BOP1: variants seen among roughly 807,000 people sequenced by gnomAD.
BOP1 encodes BOP1 ribosomal biogenesis factor, also known as ribosome biogenesis protein BOP1.
Under a neutral mutation model 82.9 loss-of-function variants are expected in BOP1, and 54 were observed. The observed-to-expected ratio is 0.65, with a 90% CI of 0.52 to 0.82. BOP1 has a LOEUF of 0.82. BOP1 is among the 40% of genes least tolerant of loss of function. The pLI is 0.00. For synonymous variants in BOP1, 566 were observed against 451.1 expected, an observed-to-expected ratio of 1.25 and a Z score of -3.23; for missense variants, 1,170 against 1,072.0, an observed-to-expected ratio of 1.09 and a Z score of -1.28.
intron 3 of BOP1, chr8:144,267,289 C>A (rs1845396592): frequency 2.3e-6 from 3 of 1,281,192 alleles, no homozygotes; most frequent in Non-Finnish European, 2.0e-6. Flanking sequence ...CAACAGGGCA[C>A]AGGCAGGCAC....
At chr8:144,268,503 T>A in intron 3 of BOP1, 2 of 371,124 alleles carry the variant, frequency 5.4e-6, no homozygotes, top group Non-Finnish European at 9.9e-6. Flanking sequence ...ACTGTCCTCA[T>A]GAAAGGTTCA....
intron 2 of BOP1, among the ~76,000 whole-genome samples, chr8:144,288,135 T>G (rs1554839650): frequency 1.3e-5 from 2 of 150,762 alleles, no homozygotes; most frequent in Non-Finnish European, 1.5e-5. Flanking sequence ...CCGAGCCTGG[T>G]AGTGGGCACC....
intron 3 of BOP1, among the ~76,000 whole-genome samples, chr8:144,270,762 C>T (rs1845479508): frequency 6.6e-6 from 1 of 152,154 alleles, no homozygotes; most frequent in Non-Finnish European, 1.5e-5. Flanking sequence ...GCCCCTGGCT[C>T]CCTTCCCAGA....
chr8:144,263,525 A>G lies in BOP1; in HGVS notation c.1377T>C (p.Ser459=). Residue 459 remains serine (S), a synonymous_variant, in exon 11 of 16, where the codon AGT becomes AGC. Coordinates refer to ENST00000569669, the MANE Select transcript of BOP1 (RefSeq NM_015201.5). Reference sequence around the variant, plus strand: ...CAGCGGGGCTGGGGTTCCAGGCCACACTCTTCACCACGCCCCCCACGGGAA... The same window carrying G: ...CAGCGGGGCTGGGGTTCCAGGCCACGCTCTTCACCACGCCCCCCACGGGAA... ...RTVPVGGVVK[S]VAWNPSPAVC... 3 of 1,598,802 alleles carry G rather than the reference A, an allele frequency of 1.9e-6. No homozygotes were observed. The highest frequency in any genetic ancestry group is 1.1e-5 in the South Asian group (1 of 91,006).
At chr8:144,270,905 G>T (rs1448213334) in intron 3 of BOP1, among the ~76,000 whole-genome samples, 1 of 152,146 alleles carries the variant, frequency 6.6e-6, no homozygotes, top group Non-Finnish European at 1.5e-5. Flanking sequence ...GGCTGGAAAC[G>T]CTCTGCTGGG....
intron 2 of BOP1, 122 bp from the exon 3 acceptor site, chr8:144,276,426 A>G: frequency 8.7e-7 from 1 of 1,146,168 alleles, no homozygotes. Flanking sequence ...CACAGGCCTC[A>G]GCACAAGGCC....
At chr8:144,285,609 A>G (rs1588608465) in intron 2 of BOP1, among the ~76,000 whole-genome samples, 1 of 152,218 alleles carries the variant, frequency 6.6e-6, no homozygotes, top group Admixed American at 6.5e-5. Context: ...AGGTGCGCCC[A>G]CTGCAGGGCA....
At chr8:144,285,837 G>A (rs949970688) in intron 2 of BOP1, among the ~76,000 whole-genome samples, 2 of 152,248 alleles carry the variant, frequency 1.3e-5, no homozygotes, top group Non-Finnish European at 2.9e-5. Context: ...CCCACGATGC[G>A]AGTGGGAGGT....
At chr8:144,271,677 C>T (rs942860613) in intron 3 of BOP1, among the ~76,000 whole-genome samples, 25 of 151,980 alleles carry the variant, frequency 1.6e-4, no homozygotes, top group African/African-American at 5.5e-4. Flanking sequence ...TGGGCCCTGG[C>T]GCCGGGGCCA....
At chr8:144,267,970 G>A (rs1456180792) in intron 3 of BOP1, 1 of 1,369,776 alleles carries the variant, frequency 7.3e-7, no homozygotes, top group Non-Finnish European at 1.0e-6. Flanking sequence ...AAACGCTTGA[G>A]GGAAGCTGGG....
chr8:144,266,686 G>A (rs1845375469), intron 3 of BOP1: 2 of 1,246,620 alleles, frequency 1.6e-6, no homozygotes, highest in Admixed American at 3.2e-5. Context: ...GCTGTCGGAG[G>A]ACGAGGACCG....
At position 144,263,373 on chromosome 8, in the gene BOP1, C is replaced by A. The variant is rs1269592251; in HGVS notation, c.1453G>T (p.Ala485Ser). The A allele has an allele frequency of 1.6e-5, 25 of 1,597,258 alleles. No individual in the cohort carries two copies. The highest frequency in any genetic ancestry group is 1.9e-5 in the Non-Finnish European group (22 of 1,179,628). ...VEDSVLLLNP[A>S]LGDRLVAGST... Reference sequence around the variant, plus strand: ...CCCGCCACCAGCCGGTCCCCCAGAGCTGGGTTCAGCAGCAGCACCGAGTCC... The same window carrying A: ...CCCGCCACCAGCCGGTCCCCCAGAGATGGGTTCAGCAGCAGCACCGAGTCC... Residue 485 changes from alanine to serine, a missense_variant, in exon 12 of 16, where the codon GCT becomes TCT. Coordinates refer to ENST00000569669, the MANE Select transcript of BOP1 (RefSeq NM_015201.5).
rs962908722 is a variant in BOP1, at chr8:144,263,480, G to A, written c.1422C>T (p.Ala474=). Residue 474 remains alanine, a splice_region_variant and synonymous_variant, in exon 11 of 16, where the codon GCC becomes GCT. Transcript: ENST00000569669. ...PSPAVCLVAA[A]VEDSVLLLNP... is the part of the protein sequence containing the mutation. ...CAGCCCCCAGGGCCTCCACTTACAC[G>A]GCTGCAGCCACCAGGCAGACAGCGG... 8.4e-4 allele frequency: 1,348 copies of A among 1,598,202 alleles called. 18 individuals carry two copies. In the East Asian group the frequency reaches 0.019, roughly 23 times the overall value.
chr8:144,281,035 T>C, intron 2 of BOP1, among the ~76,000 whole-genome samples: 1 of 147,880 alleles, frequency 6.8e-6, no homozygotes, highest in African/African-American at 2.5e-5. Flanking sequence ...CTCACTTTAA[T>C]ACCAGGTCTT....
Position 144,262,067 on chromosome 8 carries a change from G to A in BOP1, c.*97C>T. ...CGCTGTGGTGGGGGCGGCTTTGTTG[G>A]CAACCCCAATTCAAGAAGGTGGGAG... On this transcript the variant is annotated 3_prime_UTR_variant, in exon 16 of 16. Coordinates refer to ENST00000569669, the MANE Select transcript of BOP1 (RefSeq NM_015201.5). 6.4e-7 allele frequency: 1 copy of A among 1,567,748 alleles called. No homozygotes were observed. The highest frequency in any genetic ancestry group is 8.7e-7 in the Non-Finnish European group (1 of 1,150,658).
chr8:144,268,715 C>T (rs1378504884), intron 3 of BOP1, among the ~76,000 whole-genome samples: 1 of 152,032 alleles, frequency 6.6e-6, no homozygotes, highest in Admixed American at 6.5e-5. Flanking sequence ...GACAAGGGAG[C>T]CACGCCGGGA....
intron 3 of BOP1, among the ~76,000 whole-genome samples, chr8:144,267,707 G>C (rs929935529): frequency 6.6e-6 from 1 of 152,078 alleles, no homozygotes; most frequent in Non-Finnish European, 1.5e-5. Flanking sequence ...CATGGGACAC[G>C]AAGGCAGAGG....
chr8:144,278,641 C>T (rs1214278411), intron 2 of BOP1, among the ~76,000 whole-genome samples: 8 of 152,222 alleles, frequency 5.3e-5, no homozygotes, highest in Non-Finnish European at 1.0e-4. Flanking sequence ...TCCTAACTTG[C>T]CCAGAGACCA....
At chr8:144,288,993 T>A (rs1472938323) in intron 2 of BOP1, 102 bp downstream of exon 2, 8 of 1,320,016 alleles carry the variant, frequency 6.1e-6, no homozygotes, top group Non-Finnish European at 7.5e-6. Context: ...GGCCTTGGGG[T>A]TCTGAGGGAC....
Sources: gnomAD v4.1 joint callset for allele counts (sites outside exome capture counted in the v4.1 genomes callset) on GRCh38, gnomAD v4.1.1 for gene constraint, MANE v1.5 for transcripts, NCBI Gene and HGNC (gene_info 2026-07-23, HGNC 2026-07-21) for gene names.